IL1RAPL2: variants seen among roughly 807,000 people sequenced by gnomAD.
The protein encoded by IL1RAPL2 is interleukin 1 receptor accessory protein like 2.
A neutral mutation model predicts 44.1 loss-of-function variants in IL1RAPL2; 3 were observed. That is an observed-to-expected ratio of 0.07 (90% CI 0.03 to 0.18). The LOEUF (loss-of-function observed/expected upper bound fraction) is 0.18. IL1RAPL2 is among the 10% of genes least tolerant of loss of function. The probability of loss-of-function intolerance (pLI) is 1.00; values close to 1 mark genes in which losing one functional copy is unlikely to be tolerated. For missense variants in IL1RAPL2, 391 were observed against 496.4 expected, an observed-to-expected ratio of 0.79 and a Z score of 2.02; for synonymous variants, 181 against 178.8, an observed-to-expected ratio of 1.01 and a Z score of -0.10.
chrX:105,547,009 C>T (rs1336685422), intron 6 of IL1RAPL2, among the ~76,000 whole-genome samples: 2 of 111,686 alleles, frequency 1.8e-5, no homozygotes, highest in Non-Finnish European at 3.8e-5. Context: ...TCCAGTCCCT[C>T]GTGCACAATA....
At chrX:104,627,559 G>A (rs368210318) in intron 1 of IL1RAPL2, among the ~76,000 whole-genome samples, 1 of 111,250 alleles carries the variant, frequency 9.0e-6, no homozygotes, top group African/African-American at 3.3e-5. Context: ...GACAGCAGTT[G>A]CTTTTGCTTA....
intron 2 of IL1RAPL2, among the ~76,000 whole-genome samples, chrX:104,750,102 T>G (rs1229488344): frequency 1.8e-5 from 2 of 112,050 alleles, no homozygotes; most frequent in Non-Finnish European, 3.8e-5. Context: ...AGTGCTATTC[T>G]AAATGGAGTG....
At chrX:105,200,464 G>A (rs1569402397) in intron 3 of IL1RAPL2, among the ~76,000 whole-genome samples, 1 of 112,168 alleles carries the variant, frequency 8.9e-6, no homozygotes, top group Non-Finnish European at 1.9e-5. Context: ...ATTTTCAATG[G>A]AGGCATGAAT....
intron 6 of IL1RAPL2, among the ~76,000 whole-genome samples, chrX:105,562,889 G>A (rs2036949621): frequency 8.9e-6 from 1 of 112,195 alleles, no homozygotes; most frequent in Non-Finnish European, 1.9e-5. Context: ...TATTCTGGGT[G>A]TTGGGGATTA....
At chrX:104,699,326 A>G (rs993420078) in intron 2 of IL1RAPL2, among the ~76,000 whole-genome samples, 2 of 111,846 alleles carry the variant, frequency 1.8e-5, no homozygotes, top group African/African-American at 6.5e-5. Flanking sequence ...CTGCAACTAC[A>G]TGGTCCCATC....
chrX:105,512,223 C>G (rs1259285014), intron 6 of IL1RAPL2, among the ~76,000 whole-genome samples: 1 of 111,422 alleles, frequency 9.0e-6, no homozygotes, highest in Non-Finnish European at 1.9e-5. Flanking sequence ...CCCTTCAACT[C>G]TCCTCCGGGG....
intron 5 of IL1RAPL2, among the ~76,000 whole-genome samples, chrX:105,398,881 C>T (rs990093660): frequency 1.8e-5 from 2 of 111,579 alleles, no homozygotes; most frequent in Admixed American, 9.6e-5. Context: ...CTACAGTGCC[C>T]AACACAGTGC....
intron 2 of IL1RAPL2, among the ~76,000 whole-genome samples, chrX:104,855,690 T>TTTTTTTTTGTTTTG (rs1922345204): frequency 1.1e-5 from 1 of 95,091 alleles, no homozygotes; most frequent in East Asian, 3.4e-4. Flanking sequence ...CGTTTTTTTT[T>TTTTTTTTTGTTTTG]TTTTTTTTAC....
chrX:105,329,736 A>T (rs6523837), intron 5 of IL1RAPL2, among the ~76,000 whole-genome samples: 11,401 of 110,659 alleles, frequency 0.1, 1,466 homozygotes, highest in African/African-American at 0.36. Context: ...CCTAGTCCAA[A>T]CTGAGATAGA....
In IL1RAPL2 at chrX:105,691,822, C is replaced by T. The variant is rs142891057; in HGVS notation, c.773-25545C>T. 3.3e-3 allele frequency among the ~76,000 whole-genome samples: 361 copies of T among 110,753 alleles called. 7 individuals carry two copies. In the East Asian group the frequency reaches 0.081, roughly 25 times the overall value. ...TAATGAGATGAAATGCAAATGGAAA[C>T]AAAACTGATTTTTTTTTATGAAGAA... is the stretch of plus-strand genomic sequence containing the variant. On this transcript the variant is annotated intron_variant, in intron 6 of 10. Transcript: ENST00000372582.
At chrX:105,541,110 T>G (rs2036730782) in intron 6 of IL1RAPL2, among the ~76,000 whole-genome samples, 1 of 107,048 alleles carries the variant, frequency 9.3e-6, no homozygotes. Context: ...TTCCTATACC[T>G]AGTTTACCCA....
chrX:104,928,838 G>A (rs1238058519), intron 2 of IL1RAPL2, among the ~76,000 whole-genome samples: 1 of 111,228 alleles, frequency 9.0e-6, no homozygotes, highest in Non-Finnish European at 1.9e-5. Flanking sequence ...GGTTTGTAAG[G>A]TGGTGTGAGG....
At chrX:105,559,786 T>C (rs1301772958) in intron 6 of IL1RAPL2, among the ~76,000 whole-genome samples, 1 of 111,624 alleles carries the variant, frequency 9.0e-6, no homozygotes, top group East Asian at 2.8e-4. Flanking sequence ...ACACGATCTT[T>C]TTAGGTTTCA....
chrX:105,766,941 TTCTC>T lies in IL1RAPL2; in HGVS notation c.1364-19_1364-16del, dbSNP rs1018073557. ...ACTGGCAATGTCTTTGTTTTACTCT[TTCTC>T]TCTTTCTGTGATTTGTAGCATACAT... On this transcript the variant is annotated intron_variant, in intron 10 of 10. Transcript: ENST00000372582. 1.8e-6 allele frequency: 2 copies of T among 1,118,958 alleles called. No homozygotes were observed. The highest frequency in any genetic ancestry group is 2.4e-6 in the Non-Finnish European group (2 of 818,045). The allele number at this position is 1,118,958 out of a possible 1,213,427, so 92.2% of individuals were successfully genotyped here. A position where few individuals can be genotyped will look rare whatever the true frequency, so the allele number is the denominator to read the frequency against.
intron 4 of IL1RAPL2, 99 bp downstream of exon 4, chrX:105,234,103 A>G (rs2034098204): frequency 6.6e-6 from 4 of 605,857 alleles, no homozygotes; most frequent in Admixed American, 3.8e-5. Context: ...GGTATTAGAT[A>G]TTTCACTGAG....
intron 5 of IL1RAPL2, among the ~76,000 whole-genome samples, chrX:105,369,986 A>G (rs1455697645): frequency 1.8e-5 from 2 of 112,025 alleles, no homozygotes; most frequent in Non-Finnish European, 3.8e-5. Context: ...AGCAGCTAAG[A>G]CTAACATAAA....
In IL1RAPL2 at chrX:104,671,105, C is replaced by T. The variant is rs915509063; in HGVS notation, c.82+12110C>T. Among the ~76,000 whole-genome samples, 3 of 110,661 alleles carry T rather than the reference C, an allele frequency of 2.7e-5. No homozygotes were observed. In the Admixed American group the frequency reaches 2.9e-4, roughly 11 times the overall value. ...TCAATGGCCTGTAATAGGTACTATG[C>T]TAATTTTTATATAAATATAAAAACA... On this transcript the variant is annotated intron_variant, in intron 2 of 10. Transcript: ENST00000372582.
In IL1RAPL2 at chrX:104,991,317, A is replaced by G. The variant is rs1489451687; in HGVS notation, c.83-204158A>G. On this transcript the variant is annotated intron_variant, in intron 2 of 10. Transcript: ENST00000372582. Reference sequence around the variant, plus strand: ...AGGCTCAGTGCTCAAGGGATTAGGCAAGTTACATGAGTTTGTCAAAGGGAA... The same window carrying G: ...AGGCTCAGTGCTCAAGGGATTAGGCGAGTTACATGAGTTTGTCAAAGGGAA... Among the ~76,000 whole-genome samples, 7 of 111,887 alleles carry G rather than the reference A, an allele frequency of 6.3e-5. 1 individual carries two copies. The Admixed American group carries it at 6.7e-4, about 11-fold the overall frequency.
At chrX:105,766,730 G>C (rs2038733249) in intron 10 of IL1RAPL2, among the ~76,000 whole-genome samples, 1 of 109,654 alleles carries the variant, frequency 9.1e-6, no homozygotes, top group Non-Finnish European at 1.9e-5. Flanking sequence ...GAAGAAGTCA[G>C]AGTTTATGTT....
Sources: gnomAD v4.1 joint callset for allele counts (sites outside exome capture counted in the v4.1 genomes callset) on GRCh38, gnomAD v4.1.1 for gene constraint, MANE v1.5 for transcripts, NCBI Gene and HGNC (gene_info 2026-07-23, HGNC 2026-07-21) for gene names.